Variants in MARK2 observed in about 807,000 individuals in gnomAD.
The protein encoded by MARK2 is microtubule affinity regulating kinase 2, also known as serine/threonine-protein kinase MARK2.
In MARK2, 16 loss-of-function variants were observed where a neutral mutation model predicts 89.8. The ratio of observed to expected loss-of-function variants is 0.18; its 90% confidence interval spans 0.12 to 0.27. The LOEUF (loss-of-function observed/expected upper bound fraction) is 0.27. Ranked by LOEUF, MARK2 falls within the 10% of genes least tolerant of loss-of-function variation. The pLI is 1.00. For missense variants in MARK2, 621 were observed against 1,049.9 expected (o/e 0.59, Z 5.65); for synonymous variants, 382 against 399.5 (o/e 0.96, Z 0.52).
In MARK2 at chr11:63,839,517, C is replaced by G; in HGVS notation, c.11C>G (p.Ala4Gly). The change falls in exon 1 of 19, where the codon GCT becomes GGT. Residue 4 changes from alanine (A) to glycine (G), a missense_variant. This residue lies in a region of MARK2 where 60 missense variants were observed against 73.2 expected (regional missense o/e 0.82). Transcript: ENST00000402010. MSS[A>G]RTPLPTLNER... ...CGAGATACCGGCGCCATGTCCAGCG[C>G]TCGGACCCCCCTACCCACGCTGAAC... 1 of 1,535,906 alleles carries G rather than the reference C, an allele frequency of 6.5e-7. No homozygotes were observed. The highest frequency in any genetic ancestry group is 8.8e-7 in the Non-Finnish European group (1 of 1,139,788).
chr11:63,875,031 G>C lies in MARK2; in HGVS notation c.55-20128G>C, dbSNP rs541551083. On this transcript the variant is annotated intron_variant, in intron 1 of 18. Coordinates refer to ENST00000402010, the MANE Select transcript of MARK2 (RefSeq NM_001039469.3). Reference sequence around the variant, plus strand: ...AGTGGTCTAATCAAGGCTCACTGCAGCCTCAACTTCCTTAGCTCAAGCAAT... The same window carrying C: ...AGTGGTCTAATCAAGGCTCACTGCACCCTCAACTTCCTTAGCTCAAGCAAT... 1.1e-4 allele frequency among the ~76,000 whole-genome samples: 16 copies of C among 152,110 alleles called. 1 individual carries two copies. In the South Asian group the frequency reaches 3.3e-3, roughly 32 times the overall value.
chr11:63,845,901 T>C (rs907830701), intron 1 of MARK2, among the ~76,000 whole-genome samples: 3 of 152,044 alleles, frequency 2.0e-5, no homozygotes. Flanking sequence ...TTTTGTATTT[T>C]TAGTAGAGAT....
At chr11:63,859,886 T>G (rs1937649430) in intron 1 of MARK2, among the ~76,000 whole-genome samples, 1 of 152,238 alleles carries the variant, frequency 6.6e-6, no homozygotes, top group South Asian at 2.1e-4. Flanking sequence ...TGCCGTGGCC[T>G]CCTAAAGTAC....
In MARK2 at chr11:63,902,972, A is replaced by C. The variant is rs1941024212; in HGVS notation, c.1417-89A>C. On this transcript the variant is annotated intron_variant, in intron 13 of 18. Transcript: ENST00000402010. This position sits in a 1 kb window ranked among gnomAD's most constrained non-coding sequence, Gnocchi z 4.2. ...ACTGTCTGCTTCAGGTGGAAGGGAC[A>C]GGAAGCCTGTTCCATGAACCTGGGG... The C allele has an allele frequency of 2.3e-5, 28 of 1,220,132 alleles. No homozygotes were observed. Among genetic ancestry groups the C allele is most frequent in the Non-Finnish European group, 2.7e-5 (22 of 827,184 alleles). The allele number at this position is 1,220,132 out of a possible 1,614,324, so 75.6% of individuals were successfully genotyped here.
intron 1 of MARK2, chr11:63,889,061 T>G: frequency 6.8e-6 from 6 of 877,590 alleles, no homozygotes; most frequent in Non-Finnish European, 9.9e-6. Flanking sequence ...AGGGGCGCCC[T>G]GCCTGAGTCC....
At chr11:63,879,685 C>G (rs960757715) in intron 1 of MARK2, among the ~76,000 whole-genome samples, 3 of 152,088 alleles carry the variant, frequency 2.0e-5, no homozygotes, top group African/African-American at 4.8e-5. Context: ...TTAGTGGTCA[C>G]TTAAGTGGAG....
chr11:63,857,458 G>C (rs1298093787), intron 1 of MARK2, among the ~76,000 whole-genome samples: 1 of 152,226 alleles, frequency 6.6e-6, no homozygotes, highest in African/African-American at 2.4e-5. Flanking sequence ...TGGGATTACA[G>C]GCATGAGCCA....
At chr11:63,871,119 T>A (rs1473224259) in intron 1 of MARK2, among the ~76,000 whole-genome samples, 1 of 152,190 alleles carries the variant, frequency 6.6e-6, no homozygotes, top group Non-Finnish European at 1.5e-5. Flanking sequence ...TATATGCATA[T>A]TTGTGTGTGT....
intron 1 of MARK2, among the ~76,000 whole-genome samples, chr11:63,884,852 G>C (rs760552635): frequency 2.6e-5 from 4 of 152,182 alleles, no homozygotes; most frequent in Admixed American, 2.0e-4. Context: ...GACAGTTTCT[G>C]GATACAGTGA....
Position 63,904,000 on chromosome 11 carries a change from G to A in MARK2, c.1529G>A (p.Gly510Glu). The change falls in exon 15 of 19, where the codon GGG becomes GAG. Residue 510 changes from glycine to glutamate, a missense_variant. By Grantham distance (98) the Gly-to-Glu change is moderately conservative (BLOSUM62 -2). Coordinates refer to ENST00000402010, the MANE Select transcript of MARK2 (RefSeq NM_001039469.3). The surrounding 1 kb of genome is among the most constrained non-coding windows in gnomAD (Gnocchi z 5.1). ...TTGTTTCCTAGCCTAACCATGCCAGGGTCCCGGGCCTCCACGGCTTCTGCT... is the reference window on the plus strand; with the variant it reads ...TTGTTTCCTAGCCTAACCATGCCAGAGTCCCGGGCCTCCACGGCTTCTGCT... ...QNGKDSLTMP[G>E]SRASTASASA... The A allele has an allele frequency of 6.2e-7, 1 of 1,606,668 alleles. No individual in the cohort carries two copies.
At chr11:63,901,452 A>T (rs1256784650) in intron 11 of MARK2, among the ~76,000 whole-genome samples, 4 of 30,254 alleles carry the variant, frequency 1.3e-4, no homozygotes, top group Admixed American at 5.0e-4. Flanking sequence ...TGTGTGTCTG[A>T]TCGGAAGTTT....
At chr11:63,866,698 C>T (rs1319901713) in intron 1 of MARK2, among the ~76,000 whole-genome samples, 1 of 152,148 alleles carries the variant, frequency 6.6e-6, no homozygotes, top group Non-Finnish European at 1.5e-5. Context: ...CATTCATCCT[C>T]ATCTGTGTTT....
At chr11:63,883,933 G>C (rs963734979) in intron 1 of MARK2, among the ~76,000 whole-genome samples, 1 of 152,194 alleles carries the variant, frequency 6.6e-6, no homozygotes, top group African/African-American at 2.4e-5. Context: ...AATGGGTACA[G>C]CTAGTATCTT....
intron 1 of MARK2, among the ~76,000 whole-genome samples, chr11:63,866,661 A>C (rs889190763): frequency 9.9e-5 from 15 of 152,214 alleles, no homozygotes; most frequent in African/African-American, 3.6e-4. Context: ...TCTACTGTAC[A>C]GGAAAGATTT....
intron 1 of MARK2, among the ~76,000 whole-genome samples, chr11:63,840,955 C>A (rs449047): frequency 0.26 from 39,526 of 151,972 alleles, 6,630 homozygotes; most frequent in Non-Finnish European, 0.37. Context: ...CCTCCCCTTT[C>A]TTTCACCATC....
intron 1 of MARK2, among the ~76,000 whole-genome samples, chr11:63,871,075 CACAT>C (rs1310698754): frequency 6.6e-6 from 1 of 152,166 alleles, no homozygotes; most frequent in Non-Finnish European, 1.5e-5. Flanking sequence ...TACCTACACA[CACAT>C]ACATAAAATC....
intron 3 of MARK2, 30 bp downstream of exon 3, chr11:63,895,663 T>A (rs781374605): frequency 3.8e-6 from 1 of 264,732 alleles, no homozygotes; most frequent in African/African-American, 3.2e-5. Context: ...TGTCCCTTTT[T>A]TTTTTTTTTT....
chr11:63,885,468 G>C (rs1379398869), intron 1 of MARK2, among the ~76,000 whole-genome samples: 1 of 152,058 alleles, frequency 6.6e-6, no homozygotes, highest in Non-Finnish European at 1.5e-5. Context: ...GAGCCCAGGA[G>C]GCAGAGGTTG....
intron 1 of MARK2, among the ~76,000 whole-genome samples, chr11:63,849,106 C>T (rs1234901427): frequency 6.6e-6 from 1 of 152,172 alleles, no homozygotes; most frequent in South Asian, 2.1e-4. Flanking sequence ...CTCCTAGGCT[C>T]AAGTGATTCT....
Sources: allele counts gnomAD v4.1 joint callset (sites outside exome capture counted in the v4.1 genomes callset), GRCh38; gene constraint gnomAD v4.1.1; regional missense constraint gnomAD v4.1.1; non-coding constraint Gnocchi (gnomAD v3.1); transcripts MANE v1.5; gene names NCBI Gene and HGNC (gene_info 2026-07-23, HGNC 2026-07-21).